ADGRB3: variants seen among roughly 807,000 people sequenced by gnomAD.
The protein encoded by ADGRB3 is adhesion G protein-coupled receptor B3, also known as brain-specific angiogenesis inhibitor 3.
A neutral mutation model predicts 193.4 loss-of-function variants in ADGRB3; 37 were observed. That is an observed-to-expected ratio of 0.19 (90% CI 0.15 to 0.25). The LOEUF (loss-of-function observed/expected upper bound fraction) is 0.25. Ranked by LOEUF, ADGRB3 falls within the 10% of genes least tolerant of loss-of-function variation. ADGRB3 has a pLI of 1.00. For missense variants in ADGRB3, 1,637 were observed against 1,852.9 expected, an observed-to-expected ratio of 0.88 and a Z score of 2.14; for synonymous variants, 690 against 644.2, an observed-to-expected ratio of 1.07 and a Z score of -1.08.
At chr6:69,356,143 C>T (rs1769333378) in intron 28 of ADGRB3, among the ~76,000 whole-genome samples, 1 of 152,024 alleles carries the variant, frequency 6.6e-6, no homozygotes. Flanking sequence ...ACTCTTCAGA[C>T]ACAGGGTTTA....
intron 20 of ADGRB3, among the ~76,000 whole-genome samples, chr6:69,242,354 T>C (rs1766402747): frequency 6.6e-6 from 1 of 151,882 alleles, no homozygotes; most frequent in Admixed American, 6.6e-5. Context: ...ACTTCCCTGA[T>C]AAGTTTTAAT....
At chr6:69,249,905 A>G (rs1766585219) in intron 20 of ADGRB3, among the ~76,000 whole-genome samples, 1 of 152,236 alleles carries the variant, frequency 6.6e-6, no homozygotes, top group African/African-American at 2.4e-5. Context: ...TTTAAGATGT[A>G]TGAAATTCAA....
chr6:68,778,296 T>G (rs1766789360), intron 3 of ADGRB3, among the ~76,000 whole-genome samples: 1 of 152,104 alleles, frequency 6.6e-6, no homozygotes, highest in Non-Finnish European at 1.5e-5. Context: ...TCATATACCT[T>G]ATGTTGTTGG....
intron 26 of ADGRB3, among the ~76,000 whole-genome samples, chr6:69,351,966 A>G (rs758115861): frequency 6.6e-6 from 1 of 152,216 alleles, no homozygotes; most frequent in African/African-American, 2.4e-5. Flanking sequence ...TCATGAGACA[A>G]GCTCCCAGAA....
chr6:68,645,223 G>T (rs1233171916), intron 3 of ADGRB3, among the ~76,000 whole-genome samples: 2 of 151,884 alleles, frequency 1.3e-5, no homozygotes, highest in African/African-American at 4.8e-5. Flanking sequence ...AAAGAGAGCT[G>T]AGTTTTAATT....
At position 68,657,270 on chromosome 6, in the gene ADGRB3, T is replaced by C. The variant is rs138990495; in HGVS notation, c.757+17838T>C. Among the ~76,000 whole-genome samples, 343 of 151,426 alleles carry C rather than the reference T, an allele frequency of 2.3e-3. 1 individual carries two copies. Among genetic ancestry groups the C allele is most frequent in the Non-Finnish European group, 3.9e-3 (264 of 67,518 alleles). On this transcript the variant is annotated intron_variant, in intron 3 of 31. Coordinates refer to ENST00000370598, the MANE Select transcript of ADGRB3 (RefSeq NM_001704.3). The stretch of plus-strand genomic sequence containing the variant: ...CTAAAAACAAAAATGGTCTGGGAGA[T>C]ATTGTAGTTTTACAGAACTATTTGT...
chr6:69,105,891 T>G (rs1773193405), intron 17 of ADGRB3, among the ~76,000 whole-genome samples: 2 of 152,040 alleles, frequency 1.3e-5, no homozygotes, highest in African/African-American at 4.8e-5. Context: ...TCCCAGCATT[T>G]TGGGAGGCCA....
At chr6:68,637,802 A>T (rs371260632) in intron 2 of ADGRB3, among the ~76,000 whole-genome samples, 31 of 148,656 alleles carry the variant, frequency 2.1e-4, no homozygotes, top group Middle Eastern at 3.3e-3. Context: ...ATGGTTCTGG[A>T]TTTTTTTTTT....
chr6:69,005,952 C>A (rs1226064508), intron 11 of ADGRB3, among the ~76,000 whole-genome samples: 1 of 152,080 alleles, frequency 6.6e-6, no homozygotes, highest in East Asian at 1.9e-4. Context: ...TTTTCAGTTG[C>A]CAGTGCTCAA....
chr6:69,333,400 A>G (rs1768768491), intron 24 of ADGRB3, among the ~76,000 whole-genome samples: 1 of 152,184 alleles, frequency 6.6e-6, no homozygotes, highest in Non-Finnish European at 1.5e-5. Context: ...CAGAACAAGC[A>G]AACCTAAACA....
chr6:68,903,240 A>G (rs1766447185), intron 3 of ADGRB3, among the ~76,000 whole-genome samples: 1 of 152,190 alleles, frequency 6.6e-6, no homozygotes, highest in Non-Finnish European at 1.5e-5. Context: ...ACATTTCAGG[A>G]TATAAAATTA....
At chr6:68,809,173 T>C (rs1767464585) in intron 3 of ADGRB3, among the ~76,000 whole-genome samples, 1 of 152,178 alleles carries the variant, frequency 6.6e-6, no homozygotes, top group African/African-American at 2.4e-5. Flanking sequence ...AGAGCACACA[T>C]TGGAAAGCAA....
chr6:68,785,232 G>A (rs1766940073), intron 3 of ADGRB3, among the ~76,000 whole-genome samples: 1 of 151,380 alleles, frequency 6.6e-6, no homozygotes, highest in Non-Finnish European at 1.5e-5. Flanking sequence ...TGTATGCATG[G>A]GCCATGTCGG....
intron 3 of ADGRB3, among the ~76,000 whole-genome samples, chr6:68,651,046 T>A (rs1768354983): frequency 6.6e-6 from 1 of 152,190 alleles, no homozygotes; most frequent in South Asian, 2.1e-4. Flanking sequence ...CTTTATATAA[T>A]CTTTCCACAT....
chr6:69,339,031 T>C lies in ADGRB3; in HGVS notation c.3287+17T>C, dbSNP rs1299715879. ...TAACGCCATGTTAGTCCCAATCATT[T>C]ACATCTTCTTGTTACAAATCTTTTA... On this transcript the variant is annotated intron_variant, in intron 25 of 31. Coordinates refer to ENST00000370598, the MANE Select transcript of ADGRB3 (RefSeq NM_001704.3). 6.2e-7 allele frequency: 1 copy of C among 1,611,476 alleles called. No homozygotes were observed. The highest frequency in any genetic ancestry group is 1.1e-5 in the South Asian group (1 of 90,640).
At chr6:68,840,369 CTTTTTTTTTTTTTTTTTTTTTTTTT>C (rs752625602) in intron 3 of ADGRB3, among the ~76,000 whole-genome samples, 3 of 69,426 alleles carry the variant, frequency 4.3e-5, no homozygotes, top group African/African-American at 1.5e-4. Context: ...ACTGGGCAGT[CTTTTTTTTTTTTTTTTTTTTTTTTT>C]TTTTTTTTTT....
chr6:68,878,196 G>A (rs1338397926), intron 3 of ADGRB3, among the ~76,000 whole-genome samples: 3 of 150,748 alleles, frequency 2.0e-5, no homozygotes, highest in Non-Finnish European at 4.4e-5. Flanking sequence ...TCTTTTTATT[G>A]AAAAATGTTC....
chr6:69,248,107 T>C (rs553673283), intron 20 of ADGRB3, among the ~76,000 whole-genome samples: 2 of 152,302 alleles, frequency 1.3e-5, no homozygotes, highest in South Asian at 4.1e-4. Flanking sequence ...AATATCTGCT[T>C]TTCTCCCCTG....
intron 15 of ADGRB3, among the ~76,000 whole-genome samples, chr6:69,056,128 C>T (rs1439631119): frequency 6.6e-6 from 1 of 152,006 alleles, no homozygotes; most frequent in Non-Finnish European, 1.5e-5. Context: ...CCCCGCCCAG[C>T]CTGTCTTTTG....
Sources: gnomAD v4.1 joint callset for allele counts (sites outside exome capture counted in the v4.1 genomes callset) on GRCh38, gnomAD v4.1.1 for gene constraint, MANE v1.5 for transcripts, NCBI Gene and HGNC (gene_info 2026-07-23, HGNC 2026-07-21) for gene names.